Variants in DNAH8 observed in about 807,000 individuals in gnomAD.
The protein encoded by DNAH8 is dynein axonemal heavy chain 8.
A neutral mutation model predicts 562.1 loss-of-function variants in DNAH8; 382 were observed. That is an observed-to-expected ratio of 0.68 (90% CI 0.63 to 0.74). The LOEUF (loss-of-function observed/expected upper bound fraction) is 0.74. DNAH8 is among the 30% of genes least tolerant of loss of function. The pLI, the probability that DNAH8 is intolerant of heterozygous loss-of-function variation, is 0.00. For synonymous variants in DNAH8, 1,881 were observed against 1,919.4 expected, an observed-to-expected ratio of 0.98 and a Z score of 0.52; for missense variants, 5,203 against 5,620.4, an observed-to-expected ratio of 0.93 and a Z score of 2.37.
chr6:39,010,664 C>T (rs1766129155), intron 89 of DNAH8, among the ~76,000 whole-genome samples: 1 of 151,892 alleles, frequency 6.6e-6, no homozygotes, highest in African/African-American at 2.4e-5. Flanking sequence ...ATTTTCCACT[C>T]ATGGGGTTGC....
At position 38,896,215 on chromosome 6, in the gene DNAH8, T is replaced by C; in HGVS notation, c.8930T>C (p.Ile2977Thr). Residue 2977 changes from isoleucine to threonine, a missense_variant, in exon 60 of 93, where the codon ATA (isoleucine) becomes ACA (threonine). Physicochemically the swap from Ile to Thr is moderately conservative, Grantham distance 89. Around this residue, in one of 6 missense-constraint regions of DNAH8, gnomAD observed 977 missense variants for 1,061.8 expected, o/e 0.92. Transcript: ENST00000327475. ...GACTCTGTGTTTGAAGTACCCAAAA[T>C]ATATGAATTGGTATTTATTTTCATC... ...PEDSVFEVPKIYELMPSFDFL... is the reference protein window; with the variant it reads ...PEDSVFEVPKTYELMPSFDFL... 1 of 1,612,962 alleles carries C rather than the reference T, an allele frequency of 6.2e-7. No homozygotes were observed. Among genetic ancestry groups the C allele is most frequent in the African/African-American group, 1.3e-5 (1 of 74,894 alleles).
At position 38,868,184 on chromosome 6, in the gene DNAH8, CCTTTCCAAACTGGTAT is replaced by C; in HGVS notation, c.6820_6828+7del. On this transcript the variant is annotated splice_donor_variant and splice_donor_region_variant and coding_sequence_variant and intron_variant, in exon 48 of 93. Coordinates refer to ENST00000327475, the MANE Select transcript of DNAH8 (RefSeq NM_001206927.2). LOFTEE classifies it high-confidence loss of function. The stretch of plus-strand genomic sequence containing the variant: ...TCATGAGAGGACTAAGAGATATGAA[CCTTTCCAAACTGGTAT>C]CTTCTCTGAATTCTCTTCTTTTCCA... 1 of 1,605,750 alleles carries C rather than the reference CCTTTCCAAACTGGTAT, an allele frequency of 6.2e-7. No homozygotes were observed. The highest frequency in any genetic ancestry group is 8.5e-7 in the Non-Finnish European group (1 of 1,177,904).
At chr6:38,719,776 T>C (rs1762605728) in intron 1 of DNAH8, among the ~76,000 whole-genome samples, 1 of 152,034 alleles carries the variant, frequency 6.6e-6, no homozygotes, top group Non-Finnish European at 1.5e-5. Flanking sequence ...AGCATTAGAG[T>C]TGCCACCAAA....
chr6:38,981,120 AG>A (rs1764006416), intron 85 of DNAH8, among the ~76,000 whole-genome samples: 2 of 151,908 alleles, frequency 1.3e-5, no homozygotes, highest in Non-Finnish European at 2.9e-5. Context: ...GAGGTAAAAG[AG>A]TAGAATTAAA....
At chr6:38,892,022 T>C (rs750769650) in intron 58 of DNAH8, among the ~76,000 whole-genome samples, 6 of 152,186 alleles carry the variant, frequency 3.9e-5, no homozygotes, top group Non-Finnish European at 8.8e-5. Context: ...TTTAGCAGCA[T>C]TTGACCTAAA....
rs763215779 is a variant in DNAH8 at position 38,803,277 on chromosome 6, A to C, written c.3000A>C (p.Glu1000Asp). 3.7e-6 allele frequency: 6 copies of C among 1,605,574 alleles called. No individual in the cohort carries two copies. Among genetic ancestry groups the C allele is most frequent in the Non-Finnish European group, 5.1e-6 (6 of 1,175,638 alleles). Residue 1000 changes from glutamate to aspartate, a missense_variant, in exon 22 of 93, where the codon GAA (glutamate) becomes GAC (aspartate). By Grantham distance (45) the Glu-to-Asp change is conservative (BLOSUM62 2). Around this residue, in one of 6 missense-constraint regions of DNAH8, gnomAD observed 2,176 missense variants for 2,365.1 expected, o/e 0.92. Transcript: ENST00000327475. ...ELISIFEQIY[E>D]VKYTGKVGKQ... is the part of the protein sequence containing the mutation. ...TATCAATATTTGAGCAGATTTATGA[A>C]GTGAAATACACTGGGAAAGTAGGAA...
intron 88 of DNAH8, among the ~76,000 whole-genome samples, chr6:38,993,441 G>GT (rs1467113565): frequency 8.2e-6 from 1 of 122,328 alleles, no homozygotes; most frequent in Non-Finnish European, 1.9e-5. Context: ...TACATTTAAG[G>GT]GTTTTTTTCC....
chr6:38,923,262 A>G (rs560733120), intron 72 of DNAH8, 77 bp downstream of exon 72: 70 of 1,543,714 alleles, frequency 4.5e-5, no homozygotes, highest in Non-Finnish European at 6.0e-5. Context: ...CCATGTGTTC[A>G]TCTCTGAATC....
intron 91 of DNAH8, among the ~76,000 whole-genome samples, chr6:39,018,196 A>G (rs1231781901): frequency 6.6e-6 from 1 of 152,158 alleles, no homozygotes; most frequent in Non-Finnish European, 1.5e-5. Flanking sequence ...GCTTTTACGC[A>G]CTGGCCTTAG....
At chr6:38,829,224 T>C (rs1773624023) in intron 30 of DNAH8, among the ~76,000 whole-genome samples, 1 of 152,186 alleles carries the variant, frequency 6.6e-6, no homozygotes, top group South Asian at 2.1e-4. Context: ...TCTTTATATA[T>C]TATGGATACA....
At chr6:38,864,147 C>T in intron 45 of DNAH8, 87 bp downstream of exon 45, 6 of 1,198,278 alleles carry the variant, frequency 5.0e-6, no homozygotes, top group African/African-American at 1.6e-5. Context: ...GGGTAGATGA[C>T]CAACTATCCA....
rs554475096 is a variant in DNAH8, at chr6:38,999,751, CA to C, written c.13215-9060del. 2.0e-3 allele frequency among the ~76,000 whole-genome samples: 301 copies of C among 151,460 alleles called. 1 individual carries two copies. The highest frequency in any genetic ancestry group is 6.9e-3 in the African/African-American group (283 of 41,260). On this transcript the variant is annotated intron_variant, in intron 88 of 92. Coordinates refer to ENST00000327475, the MANE Select transcript of DNAH8 (RefSeq NM_001206927.2). ...GAAAACAAATGAACTTATCAATTGT[CA>C]AAGACTCAAGAAGAGATAGATAGAA... is the stretch of plus-strand genomic sequence containing the variant.
intron 12 of DNAH8, among the ~76,000 whole-genome samples, chr6:38,772,815 T>G (rs1468027157): frequency 6.6e-6 from 1 of 151,630 alleles, no homozygotes; most frequent in Non-Finnish European, 1.5e-5. Context: ...TTTAAACATT[T>G]TTATTTATTA....
chr6:38,789,650 GT>G (rs1168770248), intron 18 of DNAH8, among the ~76,000 whole-genome samples, 152 bp from the exon 19 acceptor site: 11 of 152,202 alleles, frequency 7.2e-5, no homozygotes, highest in Non-Finnish European at 1.6e-4. Context: ...TACAGAGAAA[GT>G]GTGGTAAATC....
chr6:39,022,313 C>T (rs978240202), intron 91 of DNAH8, among the ~76,000 whole-genome samples: 4 of 152,186 alleles, frequency 2.6e-5, no homozygotes, highest in Non-Finnish European at 4.4e-5. Context: ...TTTTTATCTG[C>T]CTTCACGGTA....
chr6:38,876,605 A>G (rs910757819), intron 53 of DNAH8, among the ~76,000 whole-genome samples: 1 of 152,166 alleles, frequency 6.6e-6, no homozygotes, highest in Non-Finnish European at 1.5e-5. Context: ...AGTAATTGAG[A>G]AGCGCACGTC....
At chr6:38,989,794 T>G (rs529155006) in intron 87 of DNAH8, among the ~76,000 whole-genome samples, 1 of 152,324 alleles carries the variant, frequency 6.6e-6, no homozygotes, top group Admixed American at 6.5e-5. Context: ...GAATATCTTC[T>G]TTGGTGTTAA....
intron 85 of DNAH8, among the ~76,000 whole-genome samples, chr6:38,979,047 G>A (rs769306070): frequency 6.4e-4 from 97 of 152,288 alleles, no homozygotes; most frequent in Admixed American, 1.4e-3. Context: ...GAACTAGCCC[G>A]CTACTGCAGT....
At position 38,859,597 on chromosome 6, in the gene DNAH8, T is replaced by C. The variant is rs1279640790; in HGVS notation, c.5959-860T>C. Among the ~76,000 whole-genome samples the C allele has an allele frequency of 5.9e-5, 9 of 152,252 alleles. No individual in the cohort carries two copies. In the South Asian group the frequency reaches 1.0e-3, roughly 18 times the overall value. On this transcript the variant is annotated intron_variant, in intron 42 of 92. Coordinates refer to ENST00000327475, the MANE Select transcript of DNAH8 (RefSeq NM_001206927.2). Reference sequence around the variant, plus strand: ...GATTCCTCTGAATGGGCAGGACTGGTGTTTCACCAGTTTCACTGGAAAGTC... The same window carrying C: ...GATTCCTCTGAATGGGCAGGACTGGCGTTTCACCAGTTTCACTGGAAAGTC...
Sources: allele counts gnomAD v4.1 joint callset (sites outside exome capture counted in the v4.1 genomes callset), GRCh38; gene constraint gnomAD v4.1.1; regional missense constraint gnomAD v4.1.1; transcripts MANE v1.5; gene names NCBI Gene and HGNC (gene_info 2026-07-23, HGNC 2026-07-21).